The following TBCD variants were observed in gnomAD, a reference collection of about 807,000 sequenced individuals.
TBCD encodes tubulin-specific chaperone D.
In TBCD, 105 loss-of-function variants were observed where a neutral mutation model predicts 169.3. The observed-to-expected ratio is 0.62, with a 90% CI of 0.53 to 0.73. TBCD has a LOEUF of 0.73. Ranked by LOEUF, TBCD falls within the 30% of genes least tolerant of loss-of-function variation. The pLI is 0.00. For missense variants in TBCD, 1,444 were observed against 1,600.1 expected (o/e 0.90, Z 1.66); for synonymous variants, 700 against 643.9 (o/e 1.09, Z -1.32).
chr17:82,821,075 C>T (rs536781485), intron 13 of TBCD, among the ~76,000 whole-genome samples: 1 of 152,114 alleles, frequency 6.6e-6, no homozygotes, highest in Non-Finnish European at 1.5e-5. Flanking sequence ...CCCGCCTCAG[C>T]CTCCTGAGTA....
rs1340506818 is a variant in TBCD, at chr17:82,766,414, T to C, written c.435+46T>C. 6 of 1,453,878 alleles carry C rather than the reference T, an allele frequency of 4.1e-6. No individual in the cohort carries two copies. The South Asian group carries it at 4.7e-5, about 11-fold the overall frequency. The allele number at this position is 1,453,878 out of a possible 1,614,324, so 90.1% of individuals were successfully genotyped here. A position where few individuals can be genotyped will look rare whatever the true frequency, so the allele number is the denominator to read the frequency against. On this transcript the variant is annotated intron_variant, in intron 4 of 38. Coordinates refer to ENST00000355528, the MANE Select transcript of TBCD (RefSeq NM_005993.5). ...CCTCGTCTCCAGCCCTCCGTGCCTG[T>C]CCTTCCTCCCTGCTTGCCCCACCCT...
chr17:82,906,644 C>A (rs1401710820), intron 20 of TBCD, among the ~76,000 whole-genome samples: 1 of 152,232 alleles, frequency 6.6e-6, no homozygotes, highest in Non-Finnish European at 1.5e-5. Flanking sequence ...CCGGACTTAC[C>A]ATAGTGACGG....
chr17:82,828,507 C>T (rs11870217), intron 13 of TBCD, among the ~76,000 whole-genome samples: 6,186 of 144,990 alleles, frequency 0.043, 251 homozygotes, highest in African/African-American at 0.11. Context: ...CGAATGCACC[C>T]CCCCCGCAGA....
chr17:82,808,948 G>A lies in TBCD; in HGVS notation c.1149-760G>A, dbSNP rs899895698. 9.2e-5 allele frequency among the ~76,000 whole-genome samples: 14 copies of A among 151,964 alleles called. No individual in the cohort carries two copies. The South Asian group carries it at 1.2e-3, about 14-fold the overall frequency. On this transcript the variant is annotated intron_variant, in intron 11 of 38. Transcript: ENST00000355528. ...AGGTGCAGGGGCTGGCAGGTGCTGG[G>A]GGATGAGGCAGGTAGAGGGGCCAGC...
rs184872097 is a variant in TBCD at position 82,937,513 on chromosome 17, C to T, written c.3281+153C>T. On this transcript the variant is annotated intron_variant, in intron 35 of 38. Transcript: ENST00000355528. ...CGTGCATTCCAATGTTCAAAGCAGT[C>T]GCAATGGGAGGTGAGGCAGCCCAGG... The T allele has an allele frequency of 1.1e-4, 80 of 700,162 alleles. No individual in the cohort carries two copies. In the African/African-American group the frequency reaches 1.2e-3, roughly 10 times the overall value. 43.4% of individuals were successfully genotyped at this position (700,162 alleles called of 1,614,324 possible).
chr17:82,792,269 C>T (rs1299432592), intron 7 of TBCD, among the ~76,000 whole-genome samples: 1 of 150,326 alleles, frequency 6.7e-6, no homozygotes, highest in Non-Finnish European at 1.5e-5. Context: ...GATTGTGTCA[C>T]TGCATTCCAG....
chr17:82,793,582 G>C lies in TBCD; in HGVS notation c.772-4175G>C, dbSNP rs1039662022. 5.3e-5 allele frequency among the ~76,000 whole-genome samples: 8 copies of C among 152,218 alleles called. 1 individual carries two copies. In the South Asian group the frequency reaches 6.2e-4, roughly 12 times the overall value. ...CAGTGAAGCCTTTGCACGTCCTGCA[G>C]GGTGCAGCCCAGCATGGGTTTCACT... On this transcript the variant is annotated intron_variant, in intron 7 of 38. Transcript: ENST00000355528.
chr17:82,768,891 G>A (rs2048160340), intron 5 of TBCD, among the ~76,000 whole-genome samples: 1 of 152,176 alleles, frequency 6.6e-6, no homozygotes. Context: ...ATAAATAATA[G>A]ATGCTCATTT....
At chr17:82,895,581 C>T (rs2146504060) in intron 17 of TBCD, among the ~76,000 whole-genome samples, 1 of 152,202 alleles carries the variant, frequency 6.6e-6, no homozygotes, top group South Asian at 2.1e-4. Flanking sequence ...AAGGAGAGGG[C>T]TTGAGGGCTC....
rs1201031947 is a variant in TBCD, at chr17:82,809,724, G to A, written c.1165G>A (p.Gly389Ser). 3 of 1,613,316 alleles carry A rather than the reference G, an allele frequency of 1.9e-6. No individual in the cohort carries two copies. Among genetic ancestry groups the A allele is most frequent in the South Asian group, 1.1e-5 (1 of 90,938 alleles). Residue 389 changes from glycine (G) to serine (S), a missense_variant, in exon 12 of 39, where the codon GGC becomes AGC. Gly to Ser is a moderately conservative substitution (Grantham distance 56). Coordinates refer to ENST00000355528, the MANE Select transcript of TBCD (RefSeq NM_005993.5). ...SAAKGIGRMA[G>S]RLPRALADDV... ...CTCTTTCAGCATCGGTAGGATGGCT[G>A]GCAGGCTTCCCAGAGCCCTGGCGGA...
At position 82,832,349 on chromosome 17, in the gene TBCD, C is replaced by G. The variant is rs749083733; in HGVS notation, c.1318+17415C>G. 1 of 1,614,204 alleles carries G rather than the reference C, an allele frequency of 6.2e-7. No homozygotes were observed. The highest frequency in any genetic ancestry group is 2.2e-5 in the East Asian group (1 of 44,882). ...ATGTGATTAAAAAGATGTGACTTCTCATTGCAAGTAAAGGGACATTGGAAA... is the reference window on the plus strand; with the variant it reads ...ATGTGATTAAAAAGATGTGACTTCTGATTGCAAGTAAAGGGACATTGGAAA... On this transcript the variant is annotated intron_variant, in intron 13 of 38. Transcript: ENST00000355528. This position sits in a 1 kb window ranked among gnomAD's most constrained non-coding sequence, Gnocchi z 4.9.
chr17:82,797,859 T>G, intron 8 of TBCD, 57 bp downstream of exon 8: 1 of 1,332,270 alleles, frequency 7.5e-7, no homozygotes, highest in Non-Finnish European at 1.0e-6. Flanking sequence ...TCATATACAA[T>G]CAAGTGTCTT....
intron 5 of TBCD, among the ~76,000 whole-genome samples, chr17:82,769,032 A>T (rs2048169276): frequency 1.3e-5 from 2 of 152,254 alleles, no homozygotes. Flanking sequence ...ATATAAACAC[A>T]GCTTATTGTA....
chr17:82,777,443 G>A (rs1006429332), intron 6 of TBCD, among the ~76,000 whole-genome samples: 21 of 152,196 alleles, frequency 1.4e-4, no homozygotes, highest in African/African-American at 4.1e-4. Context: ...TAGCGGCCCC[G>A]AATGCCAGGC....
rs2062787081 is a variant in TBCD at position 82,938,095 on chromosome 17, C to G, written c.3328C>G (p.Leu1110Val). ...QFPGDVRRQALLQLCLLLCHR... is the reference protein window; with the variant it reads ...QFPGDVRRQAVLQLCLLLCHR... ...CCCCGGCGACGTGAGGAGGCAGGCC[C>G]TCCTGCAGCTGTGTCTGCTCCTCTG... The change falls in exon 36 of 39, where the codon CTC becomes GTC. Residue 1110 changes from leucine (L) to valine (V), a missense_variant. Leu to Val is a conservative substitution (Grantham distance 32). Coordinates refer to ENST00000355528, the MANE Select transcript of TBCD (RefSeq NM_005993.5). 3.1e-6 allele frequency: 5 copies of G among 1,612,788 alleles called. No individual in the cohort carries two copies. The highest frequency in any genetic ancestry group is 4.2e-6 in the Non-Finnish European group (5 of 1,179,872).
chr17:82,925,136 C>T lies in TBCD; in HGVS notation c.2379+79C>T, dbSNP rs146090475. The T allele has an allele frequency of 5.1e-4, 591 of 1,150,584 alleles. 1 individual carries two copies. The African/African-American group carries it at 8.2e-3, about 16-fold the overall frequency. 71.3% of individuals were successfully genotyped at this position (1,150,584 alleles called of 1,614,324 possible). A position where few individuals can be genotyped will look rare whatever the true frequency, so the allele number is the denominator to read the frequency against. ...CGTGTGTTGGGGCATGAGGTAGGCCCAGCCGTTAATAAACCCATCAGTGCT... is the reference window on the plus strand; with the variant it reads ...CGTGTGTTGGGGCATGAGGTAGGCCTAGCCGTTAATAAACCCATCAGTGCT... On this transcript the variant is annotated intron_variant, in intron 27 of 38. Transcript: ENST00000355528.
intron 14 of TBCD, among the ~76,000 whole-genome samples, 158 bp from the exon 15 acceptor site, chr17:82,883,987 C>A (rs1425378294): frequency 6.6e-6 from 1 of 152,208 alleles, no homozygotes; most frequent in Non-Finnish European, 1.5e-5. Flanking sequence ...ATGTGTCTGT[C>A]TGCAGTCCCT....
intron 13 of TBCD, among the ~76,000 whole-genome samples, chr17:82,828,192 C>T (rs532860626): frequency 2.0e-4 from 29 of 147,472 alleles, no homozygotes; most frequent in African/African-American, 6.0e-4. Context: ...TGCACACACC[C>T]GCAGATATGC....
chr17:82,811,310 A>G (rs1346037332), intron 12 of TBCD, among the ~76,000 whole-genome samples: 1 of 152,198 alleles, frequency 6.6e-6, no homozygotes. Flanking sequence ...TGCGTCTCCT[A>G]AACTCACTGT....
Sources: allele counts gnomAD v4.1 joint callset (sites outside exome capture counted in the v4.1 genomes callset), GRCh38; gene constraint gnomAD v4.1.1; non-coding constraint Gnocchi (gnomAD v3.1); transcripts MANE v1.5; gene names NCBI Gene and HGNC (gene_info 2026-07-23, HGNC 2026-07-21).